Variants in TSPAN9 observed in about 807,000 individuals in gnomAD.
The protein encoded by TSPAN9 is tetraspanin 9, also known as tetraspanin-9.
TSPAN9 carries 16 observed loss-of-function variants against 31.0 expected under a neutral mutation model. That is an observed-to-expected ratio of 0.52 (90% CI 0.35 to 0.78). TSPAN9 has a LOEUF of 0.78. Ranked by LOEUF, TSPAN9 falls within the 30% of genes least tolerant of loss-of-function variation. The pLI is 0.01. For missense variants in TSPAN9, 272 were observed against 312.5 expected, an observed-to-expected ratio of 0.87 and a Z score of 0.98; for synonymous variants, 145 against 121.6, an observed-to-expected ratio of 1.19 and a Z score of -1.27.
chr12:3,262,594 C>T (rs1323678610), intron 3 of TSPAN9, among the ~76,000 whole-genome samples: 1 of 151,932 alleles, frequency 6.6e-6, no homozygotes, highest in Non-Finnish European at 1.5e-5. Context: ...TTTCCCCCTC[C>T]AGGTCTTGGT....
At chr12:3,189,550 A>G (rs896011608) in intron 2 of TSPAN9, among the ~76,000 whole-genome samples, 1 of 152,114 alleles carries the variant, frequency 6.6e-6, no homozygotes, top group East Asian at 1.9e-4. Flanking sequence ...CTGGGTTACA[A>G]CAGGAACAGA....
At chr12:3,151,611 GGCTGCCTCTTCCC>G (rs1222595414) in intron 2 of TSPAN9, 1 of 152,190 alleles carries the variant, frequency 6.6e-6, no homozygotes, top group African/African-American at 2.4e-5. Flanking sequence ...TGCAAGACTT[GGCTGCCTCTTCCC>G]GCCCATGCTT....
chr12:3,284,825 T>G lies in TSPAN9; in HGVS notation c.*1709T>G, dbSNP rs1046795495. ...TTGTCTTGTCACCCTGGTTTCCCACTGGGGCCAGGTCTCTTCTCCAGCCTC... is the reference window on the plus strand; with the variant it reads ...TTGTCTTGTCACCCTGGTTTCCCACGGGGGCCAGGTCTCTTCTCCAGCCTC... On this transcript the variant is annotated 3_prime_UTR_variant, in exon 9 of 9. Coordinates refer to ENST00000011898, the MANE Select transcript of TSPAN9 (RefSeq NM_006675.5). The G allele has an allele frequency of 6.6e-6, 1 of 152,264 alleles. No individual in the cohort carries two copies. The highest frequency in any genetic ancestry group is 1.5e-5 in the Non-Finnish European group (1 of 68,090). The allele number at this position is 152,264 out of a possible 1,614,324, so 9.4% of individuals were successfully genotyped here.
rs1333513501 is a variant in TSPAN9, at chr12:3,211,979, T to C, written c.63+10723T>C. 1.1e-5 allele frequency: 10 copies of C among 946,600 alleles called. No individual in the cohort carries two copies. In the East Asian group the frequency reaches 1.2e-4, roughly 12 times the overall value. 58.6% of individuals were successfully genotyped at this position (946,600 alleles called of 1,614,324 possible). A position where few individuals can be genotyped will look rare whatever the true frequency, so the allele number is the denominator to read the frequency against. On this transcript the variant is annotated intron_variant, in intron 3 of 8. Coordinates refer to ENST00000011898, the MANE Select transcript of TSPAN9 (RefSeq NM_006675.5). ...AAATTGCTGTCTTTGTATTTCTTTC[T>C]TTTATTTTTTGAGATATAATCTTTC...
intron 3 of TSPAN9, among the ~76,000 whole-genome samples, chr12:3,233,976 C>A (rs1040985421): frequency 2.6e-5 from 4 of 152,200 alleles, no homozygotes; most frequent in African/African-American, 9.7e-5. Context: ...TCGGAGCCCC[C>A]ACAGGCTGCA....
chr12:3,176,154 G>A (rs2098355445), intron 2 of TSPAN9, among the ~76,000 whole-genome samples: 1 of 152,210 alleles, frequency 6.6e-6, no homozygotes. Context: ...ACGGTGCTAG[G>A]TTCTGGGATT....
chr12:3,096,073 CTG>C (rs1939571397), intron 2 of TSPAN9, among the ~76,000 whole-genome samples: 1 of 152,084 alleles, frequency 6.6e-6, no homozygotes, highest in African/African-American at 2.4e-5. Flanking sequence ...GCGGCAAAGA[CTG>C]AGACAGCTCC....
intron 2 of TSPAN9, among the ~76,000 whole-genome samples, chr12:3,159,301 C>T (rs60879276): frequency 1.7e-4 from 25 of 151,326 alleles, no homozygotes; most frequent in South Asian, 2.1e-4. Context: ...TTGTCTGGGT[C>T]CGTCTCAGTT....
chr12:3,245,808 G>T lies in TSPAN9; in HGVS notation c.64-32613G>T, dbSNP rs115555008. On this transcript the variant is annotated intron_variant, in intron 3 of 8. Coordinates refer to ENST00000011898, the MANE Select transcript of TSPAN9 (RefSeq NM_006675.5). ...TCTGCATTTTTGGTAACTGGTGGAGGTCTCCAATTCCTTGTACTGGAGAGT... is the reference window on the plus strand; with the variant it reads ...TCTGCATTTTTGGTAACTGGTGGAGTTCTCCAATTCCTTGTACTGGAGAGT... Among the ~76,000 whole-genome samples, 528 of 152,112 alleles carry T rather than the reference G, an allele frequency of 3.5e-3. 6 individuals are homozygous for T. Among genetic ancestry groups the T allele is most frequent in the African/African-American group, 0.012 (506 of 41,552 alleles).
chr12:3,117,126 C>G (rs572119480), intron 2 of TSPAN9, among the ~76,000 whole-genome samples: 29 of 152,294 alleles, frequency 1.9e-4, no homozygotes, highest in African/African-American at 6.5e-4. Context: ...AAAATTCCAG[C>G]TAAGGCCTGT....
At chr12:3,114,668 C>T (rs2098321226) in intron 2 of TSPAN9, among the ~76,000 whole-genome samples, 1 of 151,940 alleles carries the variant, frequency 6.6e-6, no homozygotes, top group South Asian at 2.1e-4. Context: ...TGTGGTGAAA[C>T]CCCACCTCTA....
At chr12:3,272,490 C>T (rs569096219) in intron 3 of TSPAN9, among the ~76,000 whole-genome samples, 16 of 151,040 alleles carry the variant, frequency 1.1e-4, no homozygotes, top group Admixed American at 4.6e-4. Flanking sequence ...CCTGGAAGTG[C>T]ATGTGTGTTT....
intron 3 of TSPAN9, among the ~76,000 whole-genome samples, chr12:3,274,460 C>G (rs1326028319): frequency 6.6e-6 from 1 of 152,084 alleles, no homozygotes; most frequent in Non-Finnish European, 1.5e-5. Flanking sequence ...GGGCTGGAAA[C>G]TAGAGGCCAG....
chr12:3,144,639 C>T (rs1293843308), intron 2 of TSPAN9, among the ~76,000 whole-genome samples: 5 of 152,178 alleles, frequency 3.3e-5, no homozygotes, highest in Non-Finnish European at 7.3e-5. Flanking sequence ...CCTCCCAGCT[C>T]GGGGTACTTT....
chr12:3,136,170 A>C (rs1345592156), intron 2 of TSPAN9, among the ~76,000 whole-genome samples: 1 of 152,218 alleles, frequency 6.6e-6, no homozygotes, highest in Non-Finnish European at 1.5e-5. Flanking sequence ...GCAAACATGT[A>C]GGAAGCACTT....
intron 2 of TSPAN9, among the ~76,000 whole-genome samples, chr12:3,162,018 G>A (rs1414763077): frequency 6.6e-6 from 1 of 152,132 alleles, no homozygotes; most frequent in East Asian, 1.9e-4. Flanking sequence ...AGTGTTGGGG[G>A]TGTGGCCTAA....
At chr12:3,096,017 T>C (rs9919727) in intron 2 of TSPAN9, among the ~76,000 whole-genome samples, 88,480 of 148,632 alleles carry the variant, frequency 0.6, 27,322 homozygotes, top group African/African-American at 0.73. Flanking sequence ...CCGCGGGGCC[T>C]GTCCGCTCCT....
chr12:3,245,675 T>A (rs1237548589), intron 3 of TSPAN9, among the ~76,000 whole-genome samples: 1 of 152,128 alleles, frequency 6.6e-6, no homozygotes, highest in African/African-American at 2.4e-5. Flanking sequence ...GGTGGAGGCA[T>A]TTGGCTGCAT....
At chr12:3,228,321 C>T (rs937370213) in intron 3 of TSPAN9, among the ~76,000 whole-genome samples, 6 of 152,166 alleles carry the variant, frequency 3.9e-5, no homozygotes, top group African/African-American at 9.7e-5. Context: ...GCTGTGATTG[C>T]ACCACTGCGC....
Sources: allele counts gnomAD v4.1 joint callset (sites outside exome capture counted in the v4.1 genomes callset), GRCh38; gene constraint gnomAD v4.1.1; transcripts MANE v1.5; gene names NCBI Gene and HGNC (gene_info 2026-07-23, HGNC 2026-07-21).